Variants in NUP50 observed in about 807,000 individuals in gnomAD.
The protein encoded by NUP50 is nuclear pore complex protein Nup50.
NUP50 carries 14 observed loss-of-function variants against 36.8 expected under a neutral mutation model. The observed-to-expected ratio is 0.38, with a 90% CI of 0.25 to 0.59. The LOEUF (loss-of-function observed/expected upper bound fraction) is 0.59, where lower values mean the gene tolerates loss of function less well. Ranked by LOEUF, NUP50 falls within the 20% of genes least tolerant of loss-of-function variation. The probability of loss-of-function intolerance (pLI) is 0.63; values close to 1 mark genes in which losing one functional copy is unlikely to be tolerated. For synonymous variants in NUP50, 195 were observed against 210.8 expected (o/e 0.93, Z 0.65); for missense variants, 455 against 564.6 (o/e 0.81, Z 1.97).
At chr22:45,165,375 A>C (rs1426949929) in intron 1 of NUP50, among the ~76,000 whole-genome samples, 1 of 152,222 alleles carries the variant, frequency 6.6e-6, no homozygotes, top group Non-Finnish European at 1.5e-5. Flanking sequence ...AGCTGGGACC[A>C]CAGGCGTGCG....
rs560391459 is a variant in NUP50, at chr22:45,186,529, C to G, written c.*1874C>G. On this transcript the variant is annotated 3_prime_UTR_variant, in exon 8 of 8. Transcript: ENST00000347635. The stretch of plus-strand genomic sequence containing the variant: ...GCTCACAGGCATCTTCAGGACACTT[C>G]AGTGTATATGACACAGTACTTTGTT... The G allele has an allele frequency of 2.0e-5, 3 of 152,490 alleles. No homozygotes were observed. Among genetic ancestry groups the G allele is most frequent in the South Asian group, 4.1e-4 (2 of 4,826 alleles). The allele number at this position is 152,490 out of a possible 1,614,324, so 9.4% of individuals were successfully genotyped here.
Position 45,181,369 on chromosome 22 carries a change from T to A in NUP50, c.1085+2T>A. 6.3e-7 allele frequency: 1 copy of A among 1,577,792 alleles called. No homozygotes were observed. Among genetic ancestry groups the A allele is most frequent in the Non-Finnish European group, 8.6e-7 (1 of 1,166,106 alleles). On this transcript the variant is annotated splice_donor_variant, in intron 6 of 7. Coordinates refer to ENST00000347635, the MANE Select transcript of NUP50 (RefSeq NM_007172.4). LOFTEE classifies it high-confidence loss of function. ...AGAAGATGCTTTTTACTCCAAAAAG[T>A]AAGAATCCCCACAACCTGCTGGCGC...
intron 6 of NUP50, 32 bp downstream of exon 6, chr22:45,181,399 G>A: frequency 7.0e-7 from 1 of 1,427,476 alleles, no homozygotes; most frequent in Admixed American, 2.2e-5. Flanking sequence ...TGGCGCATGT[G>A]TTTTGCAGGC....
chr22:45,180,917 G>A (rs530891297), intron 5 of NUP50, among the ~76,000 whole-genome samples: 42 of 151,944 alleles, frequency 2.8e-4, no homozygotes, highest in Admixed American at 1.1e-3. Context: ...ATATTCAGGG[G>A]TGAAGGTGTT....
intron 5 of NUP50, among the ~76,000 whole-genome samples, chr22:45,180,774 A>G (rs894990485): frequency 6.6e-6 from 1 of 152,164 alleles, no homozygotes; most frequent in Non-Finnish European, 1.5e-5. Flanking sequence ...CCATGTGGCA[A>G]TTCAGACAAA....
At chr22:45,170,633 T>C (rs2074176609) in intron 2 of NUP50, among the ~76,000 whole-genome samples, 1 of 152,160 alleles carries the variant, frequency 6.6e-6, no homozygotes, top group African/African-American at 2.4e-5. Flanking sequence ...TTTGACAGGG[T>C]CAAAACTGAT....
In NUP50 at chr22:45,185,678, A is replaced by G. The variant is rs1447862179; in HGVS notation, c.*1023A>G. ...TTTAGACCGCAGTATATTATAATAC[A>G]TTTGATATCTGAAATATCTTTACTT... On this transcript the variant is annotated 3_prime_UTR_variant, in exon 8 of 8. Transcript: ENST00000347635. The G allele has an allele frequency of 2.6e-5, 4 of 152,212 alleles. No homozygotes were observed. In the South Asian group the frequency reaches 8.3e-4, roughly 32 times the overall value. 9.4% of individuals were successfully genotyped at this position (152,212 alleles called of 1,614,324 possible). A position where few individuals can be genotyped will look rare whatever the true frequency, so the allele number is the denominator to read the frequency against.
At position 45,178,581 on chromosome 22, in the gene NUP50, A is replaced by G. The variant is rs2074314659; in HGVS notation, c.684A>G (p.Thr228=). 6.2e-7 allele frequency: 1 copy of G among 1,612,058 alleles called. No individual in the cohort carries two copies. The highest frequency in any genetic ancestry group is 8.5e-7 in the Non-Finnish European group (1 of 1,179,858). ...AGTCTCCTTCCCTTTTTGGCTCAACAAAATTACAGCAAGAGTCAACGTTTT... is the reference window on the plus strand; with the variant it reads ...AGTCTCCTTCCCTTTTTGGCTCAACGAAATTACAGCAAGAGTCAACGTTTT... ...ETQSPSLFGS[T]KLQQESTFLF... is the part of the protein sequence containing the mutation. Residue 228 remains threonine, a synonymous_variant, in exon 5 of 8, where the codon ACA becomes ACG. Coordinates refer to ENST00000347635, the MANE Select transcript of NUP50 (RefSeq NM_007172.4).
chr22:45,184,501 G>A lies in NUP50; in HGVS notation c.1253G>A (p.Arg418Gln), dbSNP rs200042570. The A allele has an allele frequency of 3.7e-6, 6 of 1,613,794 alleles. No individual in the cohort carries two copies. Among genetic ancestry groups the A allele is most frequent in the South Asian group, 1.1e-5 (1 of 91,058 alleles). ...VLIPPNMPCT[R>Q]TGKNNVLIVC... is the part of the protein sequence containing the mutation. ...ATTCCACCCAATATGCCATGTACGCGAACAGGGAAGAATAACGTTCTTATC... is the reference window on the plus strand; with the variant it reads ...ATTCCACCCAATATGCCATGTACGCAAACAGGGAAGAATAACGTTCTTATC... The change falls in exon 8 of 8, where the codon CGA becomes CAA. Residue 418 changes from arginine to glutamine, a missense_variant. Around this residue, in one of 3 missense-constraint regions of NUP50, gnomAD observed 287 missense variants for 345.5 expected, o/e 0.83. Coordinates refer to ENST00000347635, the MANE Select transcript of NUP50 (RefSeq NM_007172.4).
rs1569062054 is a variant in NUP50, at chr22:45,186,614, T to G, written c.*1959T>G. The G allele has an allele frequency of 6.6e-6, 1 of 152,652 alleles. No individual in the cohort carries two copies. Among genetic ancestry groups the G allele is most frequent in the Non-Finnish European group, 1.5e-5 (1 of 68,040 alleles). 9.5% of individuals were successfully genotyped at this position (152,652 alleles called of 1,614,324 possible). A position where few individuals can be genotyped will look rare whatever the true frequency, so the allele number is the denominator to read the frequency against. ...TGGCATGAAAAGATCATGATTGGAT[T>G]TTCTTTTAAACCTGCCCTTCTGTAA... On this transcript the variant is annotated 3_prime_UTR_variant, in exon 8 of 8. Transcript: ENST00000347635.
At chr22:45,173,670 C>G (rs536889417) in intron 3 of NUP50, among the ~76,000 whole-genome samples, 1 of 152,030 alleles carries the variant, frequency 6.6e-6, no homozygotes, top group Admixed American at 6.6e-5. Context: ...GAGGGTCCTA[C>G]GAGGAGTGAG....
intron 7 of NUP50, chr22:45,183,976 G>A (rs2074426221): frequency 4.9e-6 from 1 of 204,578 alleles, no homozygotes; most frequent in Non-Finnish European, 1.0e-5. Context: ...AGGGGGCTGT[G>A]TTGCAGAAAC....
In NUP50 at chr22:45,186,820, G is replaced by A. The variant is rs1388499138; in HGVS notation, c.*2165G>A. 1.3e-5 allele frequency: 2 copies of A among 152,566 alleles called. No individual in the cohort carries two copies. Among genetic ancestry groups the A allele is most frequent in the Non-Finnish European group, 2.9e-5 (2 of 68,036 alleles). 9.5% of individuals were successfully genotyped at this position (152,566 alleles called of 1,614,324 possible). On this transcript the variant is annotated 3_prime_UTR_variant, in exon 8 of 8. Transcript: ENST00000347635. ...CTTAAAATCACTCTTTTATGCTTTA[G>A]GAACTGGTTGGTCTCCACTTTGATT... is the stretch of plus-strand genomic sequence containing the variant.
chr22:45,183,475 G>A lies in NUP50; in HGVS notation c.1159G>A (p.Ala387Thr). The A allele has an allele frequency of 6.2e-7, 1 of 1,612,500 alleles. No homozygotes were observed. The highest frequency in any genetic ancestry group is 1.1e-5 in the South Asian group (1 of 91,032). Residue 387 changes from alanine (A) to threonine (T), a missense_variant, in exon 7 of 8, where the codon GCA becomes ACA. Ala to Thr is a moderately conservative substitution (Grantham distance 58, BLOSUM62 0). This residue lies in a region of NUP50 where 287 missense variants were observed against 345.5 expected (regional missense o/e 0.83). Transcript: ENST00000347635. ...GIGTLHLKPTANQKTQLLVRA... is the reference protein window; with the variant it reads ...GIGTLHLKPTTNQKTQLLVRA... ...AGGTACTCTGCATTTAAAACCTACA[G>A]CAAATCAGAAGACACAGCTTTTGGT...
Position 45,171,646 on chromosome 22 carries a change from C to G in NUP50, c.116C>G (p.Ala39Gly). The G allele has an allele frequency of 2.5e-6, 4 of 1,614,046 alleles. No homozygotes were observed. Among genetic ancestry groups the G allele is most frequent in the Non-Finnish European group, 3.4e-6 (4 of 1,179,972 alleles). ...AGTGAGGAAGTCTTGAAGAATAGAG[C>G]CATAAAGAAAGCAAAGCGCAGAAAT... ...MASEEVLKNR[A>G]IKKAKRRNVG... is the part of the protein sequence containing the mutation. The change falls in exon 3 of 8, where the codon GCC (alanine) becomes GGC (glycine). Residue 39 changes from alanine (A) to glycine (G), a missense_variant. Ala to Gly is a moderately conservative substitution (Grantham distance 60). Coordinates refer to ENST00000347635, the MANE Select transcript of NUP50 (RefSeq NM_007172.4).
At position 45,171,693 on chromosome 22, in the gene NUP50, C is replaced by T. The variant is rs2147674381; in HGVS notation, c.153+10C>T. The T allele has an allele frequency of 6.2e-7, 1 of 1,610,150 alleles. No individual in the cohort carries two copies. The highest frequency in any genetic ancestry group is 8.5e-7 in the Non-Finnish European group (1 of 1,176,448). The stretch of plus-strand genomic sequence containing the variant: ...AAATGTTGGATTTGAAGTGAGTGCC[C>T]CCTTACAGCTCTTGCTATTAAATAC... On this transcript the variant is annotated intron_variant, in intron 3 of 7. Transcript: ENST00000347635.
Position 45,163,998 on chromosome 22 carries a change from GA to G in NUP50, c.-308del, listed in dbSNP as rs1208709608. On this transcript the variant is annotated 5_prime_UTR_variant, in exon 1 of 8. Coordinates refer to ENST00000347635, the MANE Select transcript of NUP50 (RefSeq NM_007172.4). Reference sequence around the variant, plus strand: ...TTTTTTCGAATTGGTTTTGGGGGTAGATTCGAGTTACAAAATGGCCGCCCGG... The same window carrying G: ...TTTTTTCGAATTGGTTTTGGGGGTAGTTCGAGTTACAAAATGGCCGCCCGG... 1 of 152,240 alleles carries G rather than the reference GA, an allele frequency of 6.6e-6. No homozygotes were observed. Among genetic ancestry groups the G allele is most frequent in the East Asian group, 1.9e-4 (1 of 5,188 alleles). The allele number at this position is 152,240 out of a possible 1,614,324, so 9.4% of individuals were successfully genotyped here.
chr22:45,183,085 C>CGGGGGG (rs60488848), intron 6 of NUP50, among the ~76,000 whole-genome samples: 13 of 114,174 alleles, frequency 1.1e-4, no homozygotes, highest in Admixed American at 2.8e-4. Flanking sequence ...GGGTTGGGGG[C>CGGGGGG]GGGGGGGGGG....
rs2083459653 is a variant in NUP50 at position 45,187,337 on chromosome 22, G to C, written c.*2682G>C. The C allele has an allele frequency of 6.7e-6, 1 of 149,176 alleles. No homozygotes were observed. Among genetic ancestry groups the C allele is most frequent in the African/African-American group, 2.5e-5 (1 of 40,290 alleles). The allele number at this position is 149,176 out of a possible 1,614,324, so 9.2% of individuals were successfully genotyped here. A position where few individuals can be genotyped will look rare whatever the true frequency, so the allele number is the denominator to read the frequency against. On this transcript the variant is annotated 3_prime_UTR_variant, in exon 8 of 8. Transcript: ENST00000347635. ...TTTCCATGGAAGGACAAGTCTGACT[G>C]TTCATAGGCTGATTTTCTTTAAGAG...
Sources: gnomAD v4.1 joint callset for allele counts (sites outside exome capture counted in the v4.1 genomes callset) on GRCh38, gnomAD v4.1.1 for gene constraint, gnomAD v4.1.1 regional missense constraint, MANE v1.5 for transcripts, NCBI Gene and HGNC (gene_info 2026-07-23, HGNC 2026-07-21) for gene names.